The following USPL1 variants were observed in gnomAD, a reference collection of about 807,000 sequenced individuals.
USPL1 encodes SUMO-specific isopeptidase USPL1.
In USPL1, 27 loss-of-function variants were observed where a neutral mutation model predicts 51.5. That is an observed-to-expected ratio of 0.52 (90% CI 0.39 to 0.72). USPL1 has a LOEUF of 0.72. Among genes scored for constraint, USPL1 ranks in the 30% least tolerant of loss-of-function variants. USPL1 has a pLI of 0.00. For missense variants in USPL1, 1,226 were observed against 1,268.0 expected (o/e 0.97, Z 0.50); for synonymous variants, 451 against 459.6 (o/e 0.98, Z 0.24).
chr13:30,618,792 G>A (rs1213441393), intron 1 of USPL1, among the ~76,000 whole-genome samples: 2 of 152,152 alleles, frequency 1.3e-5, no homozygotes, highest in Non-Finnish European at 2.9e-5. Flanking sequence ...TGGAAAGCTA[G>A]GTTGGTTTCA....
chr13:30,659,601 G>C lies in USPL1; in HGVS notation c.*245G>C, dbSNP rs1321554830. The C allele has an allele frequency of 8.1e-6, 3 of 371,916 alleles. No homozygotes were observed. Among genetic ancestry groups the C allele is most frequent in the African/African-American group, 2.1e-5 (1 of 47,556 alleles). 23.0% of individuals were successfully genotyped at this position (371,916 alleles called of 1,614,324 possible). ...TGTGAGAGTATGAGGATTTCAAAAT[G>C]TTAAAGATGAAAAGTGGCGTCTAGT... On this transcript the variant is annotated 3_prime_UTR_variant, in exon 9 of 9. Transcript: ENST00000255304.
At chr13:30,657,073 CCT>C (rs1951174230) in intron 8 of USPL1, among the ~76,000 whole-genome samples, 1 of 152,142 alleles carries the variant, frequency 6.6e-6, no homozygotes, top group South Asian at 2.1e-4. Flanking sequence ...GGTAGTGCAT[CCT>C]ACTGCTAGTT....
chr13:30,621,592 C>T (rs987017384), intron 2 of USPL1, among the ~76,000 whole-genome samples, 172 bp from the exon 3 acceptor site: 5 of 152,002 alleles, frequency 3.3e-5, no homozygotes, highest in African/African-American at 1.2e-4. Context: ...GGAATAATAG[C>T]TGTATTTAAA....
intron 7 of USPL1, among the ~76,000 whole-genome samples, chr13:30,648,756 G>A (rs1384386222): frequency 4.6e-5 from 7 of 152,112 alleles, no homozygotes; most frequent in Admixed American, 4.6e-4. Flanking sequence ...GTAGGAGGGC[G>A]AAGTGGGAAG....
chr13:30,642,513 G>C, intron 5 of USPL1, 115 bp from the exon 6 acceptor site: 1 of 1,292,714 alleles, frequency 7.7e-7, no homozygotes, highest in Non-Finnish European at 1.1e-6. Flanking sequence ...GTGTCATACT[G>C]TATTAACACA....
At chr13:30,629,800 T>C (rs1950776007) in intron 3 of USPL1, among the ~76,000 whole-genome samples, 1 of 152,144 alleles carries the variant, frequency 6.6e-6, no homozygotes, top group African/African-American at 2.4e-5. Flanking sequence ...TCATGTGTGC[T>C]AATGTTCCAT....
chr13:30,624,300 A>G (rs1297006500), intron 3 of USPL1, among the ~76,000 whole-genome samples: 2 of 152,086 alleles, frequency 1.3e-5, no homozygotes, highest in Non-Finnish European at 2.9e-5. Flanking sequence ...AAATGGAGTC[A>G]CTTGTGTTAA....
At chr13:30,639,366 ACT>A (rs1950917340) in intron 5 of USPL1, among the ~76,000 whole-genome samples, 2 of 151,270 alleles carry the variant, frequency 1.3e-5, no homozygotes. Flanking sequence ...CCTAATTTTC[ACT>A]TTTTTTCCTA....
In USPL1 at chr13:30,637,838, C is replaced by G. The variant is rs1175292218; in HGVS notation, c.963C>G (p.Pro321=). Residue 321 remains proline, a synonymous_variant, in exon 5 of 9, where the codon CCC becomes CCG. Transcript: ENST00000255304. ...VRDEIFISLQ[P]QLRCTLGDME... ...ATGAAATTTTTATTAGCCTTCAGCCCCAGCTTAGATGCACATTAGGTAAGT... is the reference window on the plus strand; with the variant it reads ...ATGAAATTTTTATTAGCCTTCAGCCGCAGCTTAGATGCACATTAGGTAAGT... 6.2e-7 allele frequency: 1 copy of G among 1,613,408 alleles called. No individual in the cohort carries two copies. Among genetic ancestry groups the G allele is most frequent in the Admixed American group, 1.7e-5 (1 of 59,970 alleles).
At chr13:30,626,342 A>C (rs78462019) in intron 3 of USPL1, among the ~76,000 whole-genome samples, 2,868 of 152,094 alleles carry the variant, frequency 0.019, 98 homozygotes, top group African/African-American at 0.066. Context: ...ATAAATAAAT[A>C]AATAAATCAA....
At chr13:30,646,655 A>T (rs1951021207) in intron 6 of USPL1, among the ~76,000 whole-genome samples, 1 of 152,242 alleles carries the variant, frequency 6.6e-6, no homozygotes, top group African/African-American at 2.4e-5. Context: ...AGTGCTTCAC[A>T]GCAAAGACTC....
rs1951201015 is a variant in USPL1 at position 30,658,442 on chromosome 13, T to C, written c.2365T>C (p.Ser789Pro). The C allele has an allele frequency of 1.2e-6, 2 of 1,613,634 alleles. No homozygotes were observed. Among genetic ancestry groups the C allele is most frequent in the South Asian group, 2.2e-5 (2 of 91,086 alleles). ...AAACACTATAACTGATTTACAACCT[T>C]CAGTTAAAGGGGTAAATAATTTTGG... ...NRNTITDLQP[S>P]VKGVNNFGGF... The change falls in exon 9 of 9, where the codon TCA becomes CCA. Residue 789 changes from serine (S) to proline (P), a missense_variant. Physicochemically the swap from Ser to Pro is moderately conservative, Grantham distance 74 (BLOSUM62 -1). Transcript: ENST00000255304.
chr13:30,647,056 A>G lies in USPL1; in HGVS notation c.1237A>G (p.Lys413Glu). Residue 413 changes from lysine (K) to glutamate (E), a missense_variant and splice_region_variant, in exon 7 of 9, where the codon AAA (lysine) becomes GAA (glutamate). Transcript: ENST00000255304. ...KSQIRKMVLE[K>E]VSPIFMLHFV... ...ACAAATAAGAAAAATGGTATTAGAA[A>G]AGTGAGTTAAAATTGTCTTATAATT... 1.2e-6 allele frequency: 2 copies of G among 1,608,394 alleles called. No individual in the cohort carries two copies. Among genetic ancestry groups the G allele is most frequent in the Non-Finnish European group, 1.7e-6 (2 of 1,175,324 alleles).
chr13:30,658,559 C>T lies in USPL1; in HGVS notation c.2482C>T (p.Pro828Ser), dbSNP rs1319341678. The change falls in exon 9 of 9, where the codon CCA becomes TCA. Residue 828 changes from proline (P) to serine (S), a missense_variant. Physicochemically the swap from Pro to Ser is moderately conservative, Grantham distance 74 (BLOSUM62 -1). Transcript: ENST00000255304. Reference sequence around the variant, plus strand: ...AAGTAAGCCTCCTCCCATCAGTAAGCCACCAGCAGGCCCTCCATCGTCTAA... The same window carrying T: ...AAGTAAGCCTCCTCCCATCAGTAAGTCACCAGCAGGCCCTCCATCGTCTAA... The part of the protein sequence containing the change: ...SASKPPPISK[P>S]PAGPPSSNGT... The T allele has an allele frequency of 1.9e-6, 3 of 1,614,012 alleles. No homozygotes were observed. The Admixed American group carries it at 5.0e-5, about 27-fold the overall frequency.
Position 30,659,884 on chromosome 13 carries a change from C to A in USPL1, c.*528C>A, listed in dbSNP as rs1253636257. The stretch of plus-strand genomic sequence containing the variant: ...ACAGTGAGCAGCTCCCCTGTGTCGG[C>A]GGGCAGGTCGTCCCTCAAGTGTTCA... On this transcript the variant is annotated 3_prime_UTR_variant, in exon 9 of 9. Transcript: ENST00000255304. The A allele has an allele frequency of 6.5e-6, 1 of 153,090 alleles. No individual in the cohort carries two copies. The highest frequency in any genetic ancestry group is 1.5e-5 in the Non-Finnish European group (1 of 68,852). 9.5% of individuals were successfully genotyped at this position (153,090 alleles called of 1,614,324 possible).
chr13:30,637,148 A>G (rs138372112), intron 4 of USPL1, among the ~76,000 whole-genome samples: 69 of 152,018 alleles, frequency 4.5e-4, no homozygotes, highest in Non-Finnish European at 8.4e-4. Context: ...GGGTTTCACT[A>G]TGTTGCCCAG....
At chr13:30,652,390 CTAAG>C (rs1222590661) in intron 7 of USPL1, among the ~76,000 whole-genome samples, 2 of 152,118 alleles carry the variant, frequency 1.3e-5, no homozygotes, top group Admixed American at 6.5e-5. Context: ...TTTTGATAAA[CTAAG>C]TAAGTTTTGA....
chr13:30,629,009 GGTT>G (rs1448590035), intron 3 of USPL1, among the ~76,000 whole-genome samples: 38 of 152,156 alleles, frequency 2.5e-4, no homozygotes, highest in Admixed American at 2.5e-3. Flanking sequence ...CATGTTGACA[GGTT>G]GTTAGTTGAT....
At chr13:30,630,744 A>G (rs1950790540) in intron 3 of USPL1, 91 bp from the exon 4 acceptor site, 1 of 1,335,808 alleles carries the variant, frequency 7.5e-7, no homozygotes, top group South Asian at 1.5e-5. Flanking sequence ...CAATGCTAAC[A>G]TTCTATACAT....
Sources: allele counts gnomAD v4.1 joint callset (sites outside exome capture counted in the v4.1 genomes callset), GRCh38; gene constraint gnomAD v4.1.1; transcripts MANE v1.5; gene names NCBI Gene and HGNC (gene_info 2026-07-23, HGNC 2026-07-21).